Variants in CPNE8 observed in about 807,000 individuals in gnomAD.
CPNE8 encodes the protein copine 8, also known as copine-8.
Under a neutral mutation model 81.5 loss-of-function variants are expected in CPNE8, and 45 were observed. The observed-to-expected ratio is 0.55, with a 90% CI of 0.44 to 0.71. CPNE8 has a LOEUF of 0.71. CPNE8 is among the 30% of genes least tolerant of loss of function. The pLI is 0.00. For missense variants in CPNE8, 594 were observed against 672.1 expected, an observed-to-expected ratio of 0.88 and a Z score of 1.28; for synonymous variants, 252 against 226.3, an observed-to-expected ratio of 1.11 and a Z score of -1.02.
chr12:38,904,581 G>A (rs1173475609), intron 1 of CPNE8, among the ~76,000 whole-genome samples: 1 of 149,622 alleles, frequency 6.7e-6, no homozygotes, highest in Admixed American at 6.8e-5. Context: ...CGATTCTCCT[G>A]TCTCAGTCTC....
chr12:38,743,022 A>G (rs958047872), intron 10 of CPNE8, among the ~76,000 whole-genome samples: 1 of 152,102 alleles, frequency 6.6e-6, no homozygotes, highest in African/African-American at 2.4e-5. Context: ...AGCATAGCAT[A>G]CACAATAGTA....
chr12:38,809,112 T>C (rs1942882281), intron 6 of CPNE8, among the ~76,000 whole-genome samples: 1 of 152,166 alleles, frequency 6.6e-6, no homozygotes, highest in Admixed American at 6.6e-5. Flanking sequence ...TTTCTAAAAT[T>C]GCCAAAATAA....
chr12:38,675,236 G>A (rs1210400179), intron 18 of CPNE8, among the ~76,000 whole-genome samples: 1 of 152,094 alleles, frequency 6.6e-6, no homozygotes, highest in Non-Finnish European at 1.5e-5. Flanking sequence ...TAAGGCTAAT[G>A]TCTATCAACT....
chr12:38,777,781 C>T (rs1232904794), intron 6 of CPNE8, among the ~76,000 whole-genome samples: 1 of 152,154 alleles, frequency 6.6e-6, no homozygotes, highest in Non-Finnish European at 1.5e-5. Context: ...GACCAGGGGT[C>T]TGCAACCCCA....
chr12:38,899,597 T>G (rs1479980082), intron 1 of CPNE8, among the ~76,000 whole-genome samples: 1 of 152,222 alleles, frequency 6.6e-6, no homozygotes, highest in African/African-American at 2.4e-5. Flanking sequence ...GATGTGCAAG[T>G]ATATATTTTA....
chr12:38,794,499 C>T (rs1391443145), intron 6 of CPNE8, among the ~76,000 whole-genome samples: 1 of 152,136 alleles, frequency 6.6e-6, no homozygotes, highest in African/African-American at 2.4e-5. Flanking sequence ...CATGGCACTT[C>T]AGTAAGCATT....
chr12:38,843,006 T>A (rs558622477), intron 4 of CPNE8, among the ~76,000 whole-genome samples: 1 of 152,354 alleles, frequency 6.6e-6, no homozygotes, highest in South Asian at 2.1e-4. Flanking sequence ...AATGTATACG[T>A]GTACCTGTGT....
intron 19 of CPNE8, among the ~76,000 whole-genome samples, chr12:38,663,477 A>C (rs1477450696): frequency 1.3e-5 from 2 of 152,132 alleles, no homozygotes; most frequent in African/African-American, 4.8e-5. Flanking sequence ...CCCAGTTAGA[A>C]TGGCTATTAC....
chr12:38,779,236 T>C (rs1379671902), intron 6 of CPNE8, among the ~76,000 whole-genome samples: 1 of 152,108 alleles, frequency 6.6e-6, no homozygotes, highest in Non-Finnish European at 1.5e-5. Flanking sequence ...ATCAGAAGCT[T>C]AAAGTGAAGT....
At chr12:38,769,606 T>C (rs1369076006) in intron 7 of CPNE8, among the ~76,000 whole-genome samples, 1 of 152,168 alleles carries the variant, frequency 6.6e-6, no homozygotes, top group Non-Finnish European at 1.5e-5. Flanking sequence ...ACATTGTTCT[T>C]GCAGAAAAAC....
Position 38,735,460 on chromosome 12 carries a change from A to G in CPNE8, c.723-5102T>C, listed in dbSNP as rs868213299. 1.2e-4 allele frequency among the ~76,000 whole-genome samples: 18 copies of G among 151,952 alleles called. No individual in the cohort carries two copies. In the East Asian group the frequency reaches 3.3e-3, roughly 28 times the overall value. ...AATGCACCATGAGACTTGTTTTCCT[A>G]TCACCACAAAAAGCCATCTTCATAG... On this transcript the variant is annotated intron_variant, in intron 10 of 19. Transcript: ENST00000331366.
At chr12:38,734,649 C>T (rs146686337) in intron 10 of CPNE8, among the ~76,000 whole-genome samples, 19 of 152,102 alleles carry the variant, frequency 1.2e-4, no homozygotes, top group African/African-American at 4.1e-4. Context: ...GTCCTTAAGT[C>T]TTCACCTTAA....
intron 18 of CPNE8, 97 bp from the exon 19 acceptor site, chr12:38,670,899 T>C: frequency 1.3e-6 from 1 of 795,844 alleles, no homozygotes; most frequent in Admixed American, 2.5e-5. Context: ...AGTAGCAAAA[T>C]GTGCTATGAA....
intron 8 of CPNE8, among the ~76,000 whole-genome samples, chr12:38,763,176 C>G (rs895385662): frequency 2.6e-5 from 4 of 152,016 alleles, no homozygotes; most frequent in Non-Finnish European, 5.9e-5. Flanking sequence ...GTCTTTTAAG[C>G]AGGTGAGAGT....
intron 10 of CPNE8, among the ~76,000 whole-genome samples, chr12:38,752,725 G>A (rs946182925): frequency 2.0e-5 from 3 of 152,170 alleles, no homozygotes; most frequent in Non-Finnish European, 4.4e-5. Flanking sequence ...GCCTCTTCTA[G>A]CCATAAGATT....
intron 10 of CPNE8, among the ~76,000 whole-genome samples, chr12:38,738,855 C>T (rs1038543): frequency 0.81 from 119,190 of 147,526 alleles, 51,024 homozygotes; most frequent in Middle Eastern, 0.97. Flanking sequence ...GCTCTGTTGC[C>T]CATACTGGAA....
intron 1 of CPNE8, among the ~76,000 whole-genome samples, chr12:38,903,862 A>T (rs1322066314): frequency 2.0e-5 from 3 of 152,206 alleles, no homozygotes; most frequent in African/African-American, 7.2e-5. Flanking sequence ...AAGCAGTGAC[A>T]GCAATGAGGC....
At chr12:38,831,248 C>T (rs930529224) in intron 5 of CPNE8, among the ~76,000 whole-genome samples, 8 of 152,072 alleles carry the variant, frequency 5.3e-5, no homozygotes, top group African/African-American at 1.9e-4. Context: ...AAGAGCCAAG[C>T]CCAGAGAGGG....
intron 8 of CPNE8, among the ~76,000 whole-genome samples, chr12:38,762,528 T>A (rs1395169996): frequency 6.6e-5 from 10 of 152,162 alleles, no homozygotes; most frequent in Non-Finnish European, 4.4e-5. Context: ...CCTAAGAATA[T>A]GAGGATCACC....
Sources: gnomAD v4.1 joint callset for allele counts (sites outside exome capture counted in the v4.1 genomes callset) on GRCh38, gnomAD v4.1.1 for gene constraint, MANE v1.5 for transcripts, NCBI Gene and HGNC (gene_info 2026-07-23, HGNC 2026-07-21) for gene names.